MAP4K3: variants seen among roughly 807,000 people sequenced by gnomAD.
MAP4K3 encodes mitogen-activated protein kinase kinase kinase kinase 3, also known as MAPK/ERK kinase kinase kinase 3.
MAP4K3 carries 94 observed loss-of-function variants against 143.5 expected under a neutral mutation model. The observed-to-expected ratio is 0.65, with a 90% CI of 0.55 to 0.78. The LOEUF is 0.78. Ranked by LOEUF, MAP4K3 falls within the 30% of genes least tolerant of loss-of-function variation. The pLI is 0.00. For synonymous variants in MAP4K3, 416 were observed against 347.2 expected (o/e 1.20, Z -2.20); for missense variants, 1,077 against 1,068.1 (o/e 1.01, Z -0.12).
chr2:39,381,455 C>A (rs1266723811), intron 1 of MAP4K3, among the ~76,000 whole-genome samples: 2 of 152,126 alleles, frequency 1.3e-5, no homozygotes, highest in Non-Finnish European at 2.9e-5. Context: ...TTATGGGTAT[C>A]CTTTGAAACA....
At chr2:39,353,784 C>T (rs545609998) in intron 3 of MAP4K3, among the ~76,000 whole-genome samples, 10 of 152,256 alleles carry the variant, frequency 6.6e-5, no homozygotes, top group African/African-American at 1.4e-4. Flanking sequence ...GTAGTAGCAG[C>T]GGCAAATACC....
At chr2:39,428,705 T>C (rs922315209) in intron 1 of MAP4K3, among the ~76,000 whole-genome samples, 13 of 152,032 alleles carry the variant, frequency 8.6e-5, no homozygotes, top group South Asian at 2.1e-4. Context: ...TTTGGATACA[T>C]AGAAAAAATG....
intron 15 of MAP4K3, among the ~76,000 whole-genome samples, chr2:39,304,437 G>C (rs575572670): frequency 4.6e-5 from 7 of 152,320 alleles, no homozygotes; most frequent in African/African-American, 1.7e-4. Context: ...ATTTGTAAGA[G>C]ATGAAATCTT....
intron 21 of MAP4K3, among the ~76,000 whole-genome samples, chr2:39,285,574 A>G (rs1330135229): frequency 6.6e-6 from 1 of 152,222 alleles, no homozygotes; most frequent in Non-Finnish European, 1.5e-5. Flanking sequence ...GAATAACACC[A>G]AATACTTTAT....
chr2:39,374,586 G>T lies in MAP4K3; in HGVS notation c.154+3480C>A, dbSNP rs1255966362. ...AATCCCAGCTACTCGGGCAGCTGAG[G>T]CAGGAGAATCACTTGAACCTGGGAG... On this transcript the variant is annotated intron_variant, in intron 2 of 33. Transcript: ENST00000263881. Among the ~76,000 whole-genome samples the T allele has an allele frequency of 8.6e-5, 13 of 151,982 alleles. No homozygotes were observed. In the East Asian group the frequency reaches 2.5e-3, roughly 30 times the overall value.
intron 1 of MAP4K3, among the ~76,000 whole-genome samples, chr2:39,421,349 T>C (rs1667541043): frequency 6.6e-6 from 1 of 151,056 alleles, no homozygotes; most frequent in South Asian, 2.1e-4. Flanking sequence ...TACTACTTAC[T>C]AGATTTATTG....
intron 22 of MAP4K3, among the ~76,000 whole-genome samples, chr2:39,281,854 T>C (rs542048568): frequency 6.6e-6 from 1 of 151,330 alleles, no homozygotes; most frequent in East Asian, 1.9e-4. Flanking sequence ...TTTTGTAACA[T>C]ACAGTTTATA....
chr2:39,400,947 T>C (rs1244015330), intron 1 of MAP4K3, among the ~76,000 whole-genome samples: 1 of 151,960 alleles, frequency 6.6e-6, no homozygotes, highest in African/African-American at 2.4e-5. Context: ...TGTGACCCTG[T>C]CTCAGAAAAA....
In MAP4K3 at chr2:39,373,663, T is replaced by C. The variant is rs1276088726; in HGVS notation, c.154+4403A>G. Among the ~76,000 whole-genome samples, 5 of 152,226 alleles carry C rather than the reference T, an allele frequency of 3.3e-5. No individual in the cohort carries two copies. The East Asian group carries it at 7.7e-4, about 23-fold the overall frequency. ...ACATGGGTGGAACTGGAAGTCATTA[T>C]GTTAAGTGATATAAACCAGGCACAG... On this transcript the variant is annotated intron_variant, in intron 2 of 33. Coordinates refer to ENST00000263881, the MANE Select transcript of MAP4K3 (RefSeq NM_003618.4).
intron 4 of MAP4K3, among the ~76,000 whole-genome samples, chr2:39,341,296 C>A (rs145741827): frequency 9.2e-5 from 14 of 152,184 alleles, no homozygotes; most frequent in Middle Eastern, 3.4e-3. Flanking sequence ...CCTATCTATA[C>A]CCACTTAAAT....
intron 1 of MAP4K3, among the ~76,000 whole-genome samples, chr2:39,411,940 A>G (rs969039179): frequency 5.9e-5 from 9 of 152,216 alleles, no homozygotes; most frequent in African/African-American, 2.2e-4. Context: ...TATGTCACAT[A>G]TATTATTTCA....
chr2:39,344,416 C>G (rs1255387722), intron 3 of MAP4K3, among the ~76,000 whole-genome samples: 2 of 152,040 alleles, frequency 1.3e-5, no homozygotes, highest in East Asian at 3.8e-4. Flanking sequence ...GAGAAAATAA[C>G]AAAAATATTT....
rs1666833772 is a variant in MAP4K3 at position 39,397,248 on chromosome 2, T to A, written c.97-19125A>T. On this transcript the variant is annotated intron_variant, in intron 1 of 33. Coordinates refer to ENST00000263881, the MANE Select transcript of MAP4K3 (RefSeq NM_003618.4). ...CTCCATAAAATGTGCTTTAAAACAA[T>A]ATTAAGAATTAGTGACTACAAACAT... Among the ~76,000 whole-genome samples, 4 of 152,274 alleles carry A rather than the reference T, an allele frequency of 2.6e-5. No homozygotes were observed. The South Asian group carries it at 8.3e-4, about 32-fold the overall frequency.
chr2:39,431,539 T>A (rs780738995), intron 1 of MAP4K3, among the ~76,000 whole-genome samples: 5 of 152,088 alleles, frequency 3.3e-5, no homozygotes, highest in Admixed American at 6.6e-5. Flanking sequence ...TGCTGTTTTT[T>A]GTAGGGTGGA....
intron 3 of MAP4K3, among the ~76,000 whole-genome samples, chr2:39,351,453 C>T (rs961958220): frequency 3.9e-5 from 6 of 152,152 alleles, no homozygotes; most frequent in Non-Finnish European, 5.9e-5. Context: ...TATTATGTTA[C>T]GATTATTTGC....
intron 1 of MAP4K3, among the ~76,000 whole-genome samples, chr2:39,378,360 C>T (rs1666275131): frequency 6.6e-6 from 1 of 152,038 alleles, no homozygotes; most frequent in Non-Finnish European, 1.5e-5. Context: ...TACGGATGTG[C>T]CAGGCACTAT....
intron 8 of MAP4K3, among the ~76,000 whole-genome samples, chr2:39,330,530 GAAGATGA>G (rs1418430487): frequency 1.3e-5 from 2 of 152,170 alleles, no homozygotes; most frequent in Non-Finnish European, 2.9e-5. Context: ...ATGCTAAGCT[GAAGATGA>G]AAGACTGCCA....
intron 1 of MAP4K3, among the ~76,000 whole-genome samples, chr2:39,397,193 T>TA (rs760070585): frequency 2.0e-4 from 30 of 151,504 alleles, no homozygotes; most frequent in Non-Finnish European, 3.2e-4. Flanking sequence ...ACTTTGGTAC[T>TA]AAAAAAAAAT....
At chr2:39,351,242 A>G (rs555503127) in intron 3 of MAP4K3, among the ~76,000 whole-genome samples, 35 of 152,166 alleles carry the variant, frequency 2.3e-4, no homozygotes, top group Non-Finnish European at 5.0e-4. Context: ...AATATGTCAC[A>G]GTTTTTCATG....
Sources: allele counts gnomAD v4.1 joint callset (sites outside exome capture counted in the v4.1 genomes callset), GRCh38; gene constraint gnomAD v4.1.1; transcripts MANE v1.5; gene names NCBI Gene and HGNC (gene_info 2026-07-23, HGNC 2026-07-21).